DGLUCY: variants seen among roughly 807,000 people sequenced by gnomAD.
DGLUCY encodes the protein D-glutamate cyclase, also known as D-glutamate cyclase, mitochondrial.
A neutral mutation model predicts 58.5 loss-of-function variants in DGLUCY; 58 were observed. The observed-to-expected ratio is 0.99, with a 90% CI of 0.80 to 1.23. The LOEUF (loss-of-function observed/expected upper bound fraction) is 1.23, where lower values mean the gene tolerates loss of function less well. DGLUCY is among the 50% of genes most tolerant of loss of function. The pLI is 0.00. For missense variants in DGLUCY, 779 were observed against 784.7 expected, an observed-to-expected ratio of 0.99 and a Z score of 0.09; for synonymous variants, 325 against 314.1, an observed-to-expected ratio of 1.03 and a Z score of -0.37.
At chr14:91,181,681 C>CTT (rs112052513) in intron 8 of DGLUCY, among the ~76,000 whole-genome samples, 28 of 142,204 alleles carry the variant, frequency 2.0e-4, no homozygotes, top group Non-Finnish European at 2.8e-4. Context: ...TCTTTTTTTT[C>CTT]TTTTTTTTTT....
At chr14:91,143,295 A>G (rs993809809) in intron 1 of DGLUCY, among the ~76,000 whole-genome samples, 1 of 151,540 alleles carries the variant, frequency 6.6e-6, no homozygotes, top group Non-Finnish European at 1.5e-5. Context: ...CGGGGTTTCA[A>G]TGTGTTAGCC....
intron 7 of DGLUCY, among the ~76,000 whole-genome samples, chr14:91,176,703 G>T (rs1316909496): frequency 6.6e-6 from 1 of 152,164 alleles, no homozygotes; most frequent in East Asian, 1.9e-4. Context: ...GGGCTCCAGC[G>T]AGGGAGGTGT....
chr14:91,174,835 C>T (rs1192990684), intron 6 of DGLUCY, among the ~76,000 whole-genome samples: 1 of 152,164 alleles, frequency 6.6e-6, no homozygotes, highest in East Asian at 1.9e-4. Context: ...GGTTCTGATG[C>T]TATCTCCAGG....
At chr14:91,144,089 CAT>C (rs1239913978) in intron 1 of DGLUCY, among the ~76,000 whole-genome samples, 1 of 152,136 alleles carries the variant, frequency 6.6e-6, no homozygotes, top group Non-Finnish European at 1.5e-5. Flanking sequence ...CCAAGAATAA[CAT>C]AAATGCAATG....
In DGLUCY at chr14:91,224,940, G is replaced by C. The variant is rs770591559; in HGVS notation, c.*107G>C. On this transcript the variant is annotated 3_prime_UTR_variant, in exon 14 of 14. Coordinates refer to ENST00000256324, the MANE Select transcript of DGLUCY (RefSeq NM_001102368.3). ...TCCTGCTAGTAAACACTGGTCTTCGGTGAGCAACGAACACTCGCCTGGCCT... is the reference window on the plus strand; with the variant it reads ...TCCTGCTAGTAAACACTGGTCTTCGCTGAGCAACGAACACTCGCCTGGCCT... 175 of 1,301,856 alleles carry C rather than the reference G, an allele frequency of 1.3e-4. No homozygotes were observed. Among genetic ancestry groups the C allele is most frequent in the Non-Finnish European group, 1.7e-4 (168 of 976,906 alleles). 80.6% of individuals were successfully genotyped at this position (1,301,856 alleles called of 1,614,324 possible).
At chr14:91,062,743 G>T (rs1244967498) in intron 1 of DGLUCY, among the ~76,000 whole-genome samples, 1 of 151,488 alleles carries the variant, frequency 6.6e-6, no homozygotes, top group Non-Finnish European at 1.5e-5. Context: ...GTTCCTTCAG[G>T]TTGCTTTCAC....
chr14:91,158,400 A>T (rs541490176), intron 2 of DGLUCY, among the ~76,000 whole-genome samples: 2 of 152,270 alleles, frequency 1.3e-5, no homozygotes, highest in Non-Finnish European at 2.9e-5. Flanking sequence ...CTATTAAAGT[A>T]CTCACTGTTG....
rs79843840 is a variant in DGLUCY, at chr14:91,167,675, C to T, written c.257+297C>T. On this transcript the variant is annotated intron_variant, in intron 4 of 13. Coordinates refer to ENST00000256324, the MANE Select transcript of DGLUCY (RefSeq NM_001102368.3). ...CACTCCATCGCCCAAGCCAGAAACCCGCCTGTACAGGATTAAGAAGAAAAT... is the reference window on the plus strand; with the variant it reads ...CACTCCATCGCCCAAGCCAGAAACCTGCCTGTACAGGATTAAGAAGAAAAT... The T allele has an allele frequency of 1.3e-3, 913 of 703,758 alleles. 3 individuals carry two copies. The African/African-American group carries it at 0.014, about 11-fold the overall frequency. 43.6% of individuals were successfully genotyped at this position (703,758 alleles called of 1,614,324 possible).
At chr14:91,129,872 C>CCCGA (rs1235337701) in intron 1 of DGLUCY, among the ~76,000 whole-genome samples, 1 of 152,128 alleles carries the variant, frequency 6.6e-6, no homozygotes, top group African/African-American at 2.4e-5. Flanking sequence ...GTCTTGAACT[C>CCCGA]CCGACCTCAG....
chr14:91,160,422 A>T, intron 3 of DGLUCY, 25 bp downstream of exon 3: 1 of 1,176,320 alleles, frequency 8.5e-7, no homozygotes, highest in Non-Finnish European at 1.2e-6. Flanking sequence ...ATAGTTAAAA[A>T]AAAAAAAAAA....
chr14:91,210,187 T>A (rs1306826377), intron 12 of DGLUCY, among the ~76,000 whole-genome samples: 1 of 152,096 alleles, frequency 6.6e-6, no homozygotes, highest in Non-Finnish European at 1.5e-5. Flanking sequence ...GGAGGATCAC[T>A]TGAGGAGGCA....
intron 8 of DGLUCY, among the ~76,000 whole-genome samples, chr14:91,187,536 G>A (rs1048365186): frequency 2.4e-4 from 37 of 152,184 alleles, no homozygotes; most frequent in African/African-American, 7.2e-4. Flanking sequence ...AGCACACACC[G>A]CAGCTTCCCC....
At chr14:91,151,194 A>G (rs2047318190) in intron 1 of DGLUCY, among the ~76,000 whole-genome samples, 1 of 152,194 alleles carries the variant, frequency 6.6e-6, no homozygotes, top group African/African-American at 2.4e-5. Flanking sequence ...TATATACCAC[A>G]TTTTGTTTAT....
At chr14:91,066,569 A>G in intron 1 of DGLUCY, among the ~76,000 whole-genome samples, 1 of 151,988 alleles carries the variant, frequency 6.6e-6, no homozygotes, top group East Asian at 1.9e-4. Flanking sequence ...AGCGGAGAGG[A>G]TCACTTGAGC....
At chr14:91,099,329 T>C (rs2044445620) in intron 1 of DGLUCY, among the ~76,000 whole-genome samples, 1 of 152,082 alleles carries the variant, frequency 6.6e-6, no homozygotes, top group Admixed American at 6.6e-5. Context: ...GGTCAGGAGC[T>C]CGAGACCAGC....
chr14:91,179,766 A>G (rs1374157979), intron 7 of DGLUCY, among the ~76,000 whole-genome samples: 1 of 151,044 alleles, frequency 6.6e-6, no homozygotes, highest in Non-Finnish European at 1.5e-5. Flanking sequence ...AAAAAAAAAT[A>G]TATGCTTGTT....
chr14:91,214,798 T>C (rs1355887289), intron 12 of DGLUCY, among the ~76,000 whole-genome samples: 1 of 151,836 alleles, frequency 6.6e-6, no homozygotes, highest in East Asian at 1.9e-4. Context: ...TCCACCCCAA[T>C]GAGCTATGGT....
intron 1 of DGLUCY, among the ~76,000 whole-genome samples, chr14:91,067,673 C>A (rs1391049454): frequency 6.6e-6 from 1 of 152,014 alleles, no homozygotes; most frequent in African/African-American, 2.4e-5. Context: ...CTCAGTCTCC[C>A]AAGTAGTTGG....
At chr14:91,223,088 C>G (rs552547984) in intron 13 of DGLUCY, among the ~76,000 whole-genome samples, 5 of 152,210 alleles carry the variant, frequency 3.3e-5, no homozygotes, top group African/African-American at 4.8e-5. Context: ...GTTCAACATA[C>G]AAAATTTGAG....
Sources: gnomAD v4.1 joint callset for allele counts (sites outside exome capture counted in the v4.1 genomes callset) on GRCh38, gnomAD v4.1.1 for gene constraint, MANE v1.5 for transcripts, NCBI Gene and HGNC (gene_info 2026-07-23, HGNC 2026-07-21) for gene names.